KIAA0319L: variants seen among roughly 807,000 people sequenced by gnomAD.
The protein encoded by KIAA0319L is KIAA0319 like, also known as dyslexia-associated protein KIAA0319-like protein.
Under a neutral mutation model 120.1 loss-of-function variants are expected in KIAA0319L, and 55 were observed. The observed-to-expected ratio is 0.46, with a 90% CI of 0.37 to 0.57. The LOEUF (loss-of-function observed/expected upper bound fraction) is 0.57, where lower values mean the gene tolerates loss of function less well. Among genes scored for constraint, KIAA0319L ranks in the 20% least tolerant of loss-of-function variants. The pLI is 0.00. For missense variants in KIAA0319L, 1,049 were observed against 1,255.3 expected, an observed-to-expected ratio of 0.84 and a Z score of 2.48; for synonymous variants, 398 against 471.9, an observed-to-expected ratio of 0.84 and a Z score of 2.03.
intron 2 of KIAA0319L, among the ~76,000 whole-genome samples, chr1:35,553,971 T>C (rs1647554284): frequency 6.6e-6 from 1 of 152,228 alleles, no homozygotes; most frequent in Admixed American, 6.5e-5. Context: ...GCACCCATGC[T>C]GAGTGCTGTG....
At chr1:35,493,749 G>A (rs1373028818) in intron 3 of KIAA0319L, among the ~76,000 whole-genome samples, 1 of 152,000 alleles carries the variant, frequency 6.6e-6, no homozygotes, top group Non-Finnish European at 1.5e-5. Context: ...GGGGGCTGAG[G>A]CAGGAGGATC....
intron 2 of KIAA0319L, among the ~76,000 whole-genome samples, chr1:35,518,754 A>G (rs1452354024): frequency 2.0e-5 from 3 of 152,210 alleles, no homozygotes; most frequent in Non-Finnish European, 4.4e-5. Context: ...CTGTAATCCC[A>G]GCACTTTGGG....
At chr1:35,470,503 A>G (rs1386337898) in intron 6 of KIAA0319L, among the ~76,000 whole-genome samples, 2 of 150,618 alleles carry the variant, frequency 1.3e-5, no homozygotes, top group East Asian at 1.9e-4. Flanking sequence ...AAAAAAAAAA[A>G]AAAAAAAAAA....
At chr1:35,461,667 C>T (rs1570684398) in intron 8 of KIAA0319L, among the ~76,000 whole-genome samples, 4 of 152,246 alleles carry the variant, frequency 2.6e-5, no homozygotes, top group East Asian at 1.9e-4. Context: ...TTAGGACACA[C>T]GGATAGTATG....
At position 35,534,223 on chromosome 1, in the gene KIAA0319L, T is replaced by C. The variant is rs576316122; in HGVS notation, c.142+20127A>G. On this transcript the variant is annotated intron_variant, in intron 2 of 20. Transcript: ENST00000325722. ...TTTTTTAAATGTATGGTGTAGATGATTTGCTGAAACTACACTAACTGCTAC... is the reference window on the plus strand; with the variant it reads ...TTTTTTAAATGTATGGTGTAGATGACTTGCTGAAACTACACTAACTGCTAC... Among the ~76,000 whole-genome samples, 4 of 151,970 alleles carry C rather than the reference T, an allele frequency of 2.6e-5. No homozygotes were observed. In the South Asian group the frequency reaches 8.3e-4, roughly 32 times the overall value.
chr1:35,462,560 T>G, intron 8 of KIAA0319L, 61 bp downstream of exon 8: 1 of 1,369,542 alleles, frequency 7.3e-7, no homozygotes, highest in Non-Finnish European at 1.0e-6. Context: ...TCTACTAGAG[T>G]TTTCTATCAG....
rs770150318 is a variant in KIAA0319L at position 35,466,623 on chromosome 1, C to G, written c.1186G>C (p.Val396Leu). ...GAAAACATACCTGGCTTGACTGTCA[C>G]GTTCACATAGCCTTCCCCATGGGCA... ...QNAHGEGYVN[V>L]TVKPEPRKNR... The change falls in exon 7 of 21, where the codon GTG becomes CTG. Residue 396 changes from valine to leucine, a missense_variant. Physicochemically the swap from Val to Leu is conservative, Grantham distance 32. Coordinates refer to ENST00000325722, the MANE Select transcript of KIAA0319L (RefSeq NM_024874.5). The G allele has an allele frequency of 3.6e-5, 58 of 1,612,780 alleles. No individual in the cohort carries two copies. The highest frequency in any genetic ancestry group is 1.6e-4 in the Middle Eastern group (1 of 6,076).
chr1:35,513,767 C>A (rs1218342709), intron 2 of KIAA0319L, among the ~76,000 whole-genome samples: 2 of 152,152 alleles, frequency 1.3e-5, no homozygotes, highest in Admixed American at 6.5e-5. Context: ...TTAAAAGCAG[C>A]TTTACTGCCC....
chr1:35,512,871 CAAA>C (rs746942793), intron 2 of KIAA0319L, among the ~76,000 whole-genome samples: 1 of 48,386 alleles, frequency 2.1e-5, no homozygotes. Flanking sequence ...GACTCCATCT[CAAA>C]AAAAAAAAAA....
intron 1 of KIAA0319L, among the ~76,000 whole-genome samples, chr1:35,555,377 G>T (rs574081411): frequency 1.3e-5 from 2 of 152,250 alleles, no homozygotes; most frequent in African/African-American, 4.8e-5. Context: ...TCCACGGCCA[G>T]CATACAGGGA....
At chr1:35,484,810 T>A (rs866525474) in intron 3 of KIAA0319L, among the ~76,000 whole-genome samples, 23 of 132,272 alleles carry the variant, frequency 1.7e-4, no homozygotes, top group South Asian at 4.6e-4. Flanking sequence ...ATATATATTT[T>A]TTTTTTTATT....
At chr1:35,489,654 T>A (rs77874151) in intron 3 of KIAA0319L, among the ~76,000 whole-genome samples, 33 of 151,670 alleles carry the variant, frequency 2.2e-4, no homozygotes, top group Non-Finnish European at 3.1e-4. Flanking sequence ...CTGTATTCTT[T>A]GTTTTGTTTC....
At position 35,448,244 on chromosome 1, in the gene KIAA0319L, C is replaced by G. The variant is rs148223068; in HGVS notation, c.2442G>C (p.Gln814His). The G allele has an allele frequency of 1.1e-5, 17 of 1,614,140 alleles. No homozygotes were observed. Among genetic ancestry groups the G allele is most frequent in the Admixed American group, 1.7e-5 (1 of 60,020 alleles). ...CCAGCACCCCCAGGAGGACCCCAAT[C>G]TGGCGGATGAACATCCCCTTCAGCC... ...TERLKGMFIR[Q>H]IGVLLGVLDS... Residue 814 changes from glutamine to histidine, a missense_variant, in exon 16 of 21, where the codon CAG becomes CAC. By Grantham distance (24) the Gln-to-His change is conservative. Transcript: ENST00000325722.
In KIAA0319L at chr1:35,470,978, CA is replaced by C; in HGVS notation, c.1016-19del. The C allele has an allele frequency of 6.9e-7, 1 of 1,458,428 alleles. No individual in the cohort carries two copies. The highest frequency in any genetic ancestry group is 9.6e-7 in the Non-Finnish European group (1 of 1,038,228). 90.3% of individuals were successfully genotyped at this position (1,458,428 alleles called of 1,614,324 possible). Reference sequence around the variant, plus strand: ...GGTTTCTCCTATAGAAGGGCAGTTACAAAAATCATGAAAACACACACCAACA... The same window carrying C: ...GGTTTCTCCTATAGAAGGGCAGTTACAAAATCATGAAAACACACACCAACA... On this transcript the variant is annotated intron_variant, in intron 5 of 20. Coordinates refer to ENST00000325722, the MANE Select transcript of KIAA0319L (RefSeq NM_024874.5).
chr1:35,473,959 T>C (rs762858183), intron 5 of KIAA0319L, among the ~76,000 whole-genome samples: 11 of 152,362 alleles, frequency 7.2e-5, no homozygotes, highest in South Asian at 2.1e-4. Context: ...AACTTTGGTA[T>C]ATTAACACAT....
intron 2 of KIAA0319L, 64 bp from the exon 3 acceptor site, chr1:35,507,199 A>C (rs1023825821): frequency 2.1e-5 from 30 of 1,454,256 alleles, no homozygotes; most frequent in Non-Finnish European, 2.7e-5. Flanking sequence ...CTCCATAAAG[A>C]GCCCTGAGAA....
chr1:35,446,412 C>T (rs1237018238), intron 16 of KIAA0319L, among the ~76,000 whole-genome samples: 2 of 152,150 alleles, frequency 1.3e-5, no homozygotes, highest in Non-Finnish European at 2.9e-5. Flanking sequence ...TCTTTCAATC[C>T]TACCTCCCAT....
At chr1:35,496,854 C>T (rs1475033380) in intron 3 of KIAA0319L, among the ~76,000 whole-genome samples, 1 of 139,740 alleles carries the variant, frequency 7.2e-6, no homozygotes, top group Non-Finnish European at 1.5e-5. Context: ...AGCTGAGGCA[C>T]AAGAATCACT....
chr1:35,479,319 A>G (rs559250906), intron 3 of KIAA0319L, 107 bp from the exon 4 acceptor site: 2 of 826,612 alleles, frequency 2.4e-6, no homozygotes, highest in Admixed American at 2.7e-5. Context: ...AAATGCAAAA[A>G]TATCAAAAAT....
Sources: gnomAD v4.1 joint callset for allele counts (sites outside exome capture counted in the v4.1 genomes callset) on GRCh38, gnomAD v4.1.1 for gene constraint, MANE v1.5 for transcripts, NCBI Gene and HGNC (gene_info 2026-07-23, HGNC 2026-07-21) for gene names.